Variants in GATM observed in about 807,000 individuals in gnomAD.
GATM encodes the protein glycine amidinotransferase, also known as glycine amidinotransferase, mitochondrial.
GATM carries 23 observed loss-of-function variants against 54.2 expected under a neutral mutation model. The ratio of observed to expected loss-of-function variants is 0.42; its 90% confidence interval spans 0.31 to 0.60. The LOEUF is 0.60. Ranked by LOEUF, GATM falls within the 20% of genes least tolerant of loss-of-function variation. The probability of loss-of-function intolerance (pLI) is 0.14; values close to 1 mark genes in which losing one functional copy is unlikely to be tolerated. For synonymous variants in GATM, 168 were observed against 183.1 expected (o/e 0.92, Z 0.67); for missense variants, 401 against 544.9 (o/e 0.74, Z 2.63).
chr15:45,375,729 G>A (rs1393427663), intron 2 of GATM, among the ~76,000 whole-genome samples: 1 of 151,442 alleles, frequency 6.6e-6, no homozygotes, highest in Non-Finnish European at 1.5e-5. Flanking sequence ...GTCAGATTGT[G>A]AAGGATCTTG....
intron 4 of GATM, 64 bp from the exon 5 acceptor site, chr15:45,366,572 T>C (rs1889451790): frequency 1.3e-6 from 2 of 1,572,650 alleles, no homozygotes; most frequent in Admixed American, 1.7e-5. Context: ...TCATAAGGCA[T>C]ACAGTACTAA....
chr15:45,391,389 G>A (rs994655783), intron 3 of GATM, among the ~76,000 whole-genome samples: 46 of 152,196 alleles, frequency 3.0e-4, no homozygotes, highest in African/African-American at 1.1e-3. Flanking sequence ...TCCAACCTGG[G>A]TGACGGAGCG....
chr15:45,392,605 T>C (rs1889884782), intron 3 of GATM, among the ~76,000 whole-genome samples: 1 of 152,206 alleles, frequency 6.6e-6, no homozygotes, highest in Admixed American at 6.5e-5. Flanking sequence ...AGAAGTAGGA[T>C]GCTGGGTTTT....
intron 2 of GATM, among the ~76,000 whole-genome samples, chr15:45,375,771 G>C (rs113237433): frequency 1.2e-4 from 19 of 152,076 alleles, no homozygotes; most frequent in Non-Finnish European, 1.6e-4. Context: ...TAAACAATGC[G>C]GGGGGTGGTG....
At chr15:45,367,832 G>T (rs1889473435) in intron 4 of GATM, among the ~76,000 whole-genome samples, 1 of 152,104 alleles carries the variant, frequency 6.6e-6, no homozygotes, top group Non-Finnish European at 1.5e-5. Flanking sequence ...TAAATAAAGG[G>T]TTTAACCCAG....
intron 1 of GATM, among the ~76,000 whole-genome samples, chr15:45,400,833 G>GTCTT (rs1278062295): frequency 6.6e-6 from 1 of 152,152 alleles, no homozygotes; most frequent in Non-Finnish European, 1.5e-5. Flanking sequence ...TCCTCAGTAA[G>GTCTT]TCTTCTTTCC....
chr15:45,380,128 A>C, upstream of GATM: 1 of 142,316 alleles, frequency 7.0e-6, no homozygotes, highest in South Asian at 2.4e-4. Context: ...CGTCTCAAAA[A>C]AAAAAAAAAA....
At chr15:45,400,571 AC>A (rs1432773140) in intron 1 of GATM, among the ~76,000 whole-genome samples, 1 of 152,238 alleles carries the variant, frequency 6.6e-6, no homozygotes, top group Non-Finnish European at 1.5e-5. Flanking sequence ...TATAAAATCA[AC>A]CTCTTAGACC....
At chr15:45,362,251 G>T in intron 8 of GATM, 30 bp from the exon 9 acceptor site, 1 of 1,307,252 alleles carries the variant, frequency 7.6e-7, no homozygotes, top group Non-Finnish European at 1.1e-6. Flanking sequence ...AGGTCAGTTA[G>T]ATGGACTAAC....
Position 45,377,043 on chromosome 15 carries a change from C to T in GATM, c.70-224G>A, listed in dbSNP as rs765129576. 165 of 576,324 alleles carry T rather than the reference C, an allele frequency of 2.9e-4. No individual in the cohort carries two copies. The Middle Eastern group carries it at 4.3e-3, about 15-fold the overall frequency. The allele number at this position is 576,324 out of a possible 1,614,324, so 35.7% of individuals were successfully genotyped here. A position where few individuals can be genotyped will look rare whatever the true frequency, so the allele number is the denominator to read the frequency against. ...AAATTGTCTTCTTATCTATTAATTG[C>T]TGTAACTCTTTAAAACTCCTCAGAA... On this transcript the variant is annotated intron_variant, in intron 1 of 8. Transcript: ENST00000396659.
intron 4 of GATM, among the ~76,000 whole-genome samples, chr15:45,366,949 T>C (rs1251022574): frequency 6.6e-6 from 1 of 152,200 alleles, no homozygotes; most frequent in Non-Finnish European, 1.5e-5. Flanking sequence ...TATGTATATA[T>C]GTACAGGAAA....
chr15:45,372,395 A>G (rs1040757048), intron 2 of GATM, among the ~76,000 whole-genome samples: 7 of 152,244 alleles, frequency 4.6e-5, no homozygotes, highest in Non-Finnish European at 8.8e-5. Flanking sequence ...TGTTATCATC[A>G]TTAAACATTT....
chr15:45,396,869 CA>C (rs57667717), intron 3 of GATM: 1,201 of 66,464 alleles, frequency 0.018, 10 homozygotes, highest in African/African-American at 0.057. Flanking sequence ...GACTCCGTCT[CA>C]AAAAAAAAAA....
Position 45,376,602 on chromosome 15 carries a change from T to G in GATM, c.287A>C (p.Lys96Thr). ...ACVPPFTIEV[K>T]ANTYEKYWPF... is the part of the protein sequence containing the mutation. Reference sequence around the variant, plus strand: ...GACATGTGAATAGCCTTCCTTTACCTTCACCTCGATGGTGAACGGTGGAAC... The same window carrying G: ...GACATGTGAATAGCCTTCCTTTACCGTCACCTCGATGGTGAACGGTGGAAC... The change falls in exon 2 of 9, where the codon AAG becomes ACG. Residue 96 changes from lysine to threonine, a missense_variant and splice_region_variant. Physicochemically the swap from Lys to Thr is moderately conservative, Grantham distance 78 (BLOSUM62 -1). Around this residue, in one of 3 missense-constraint regions of GATM, gnomAD observed 321 missense variants for 457.5 expected, o/e 0.70. Coordinates refer to ENST00000396659, the MANE Select transcript of GATM (RefSeq NM_001482.3). 1 of 1,613,970 alleles carries G rather than the reference T, an allele frequency of 6.2e-7. No homozygotes were observed.
intron 3 of GATM, among the ~76,000 whole-genome samples, chr15:45,385,116 G>A (rs1889790219): frequency 6.6e-6 from 1 of 152,194 alleles, no homozygotes; most frequent in Admixed American, 6.5e-5. Flanking sequence ...TGATGCAGAA[G>A]TTAGTGAATC....
rs776785073 is a variant in GATM at position 45,376,782 on chromosome 15, A to T, written c.107T>A (p.Phe36Tyr). 6.2e-7 allele frequency: 1 copy of T among 1,614,128 alleles called. No homozygotes were observed. The highest frequency in any genetic ancestry group is 1.7e-5 in the Admixed American group (1 of 60,004). The change falls in exon 2 of 9, where the codon TTC becomes TAC. Residue 36 changes from phenylalanine (F) to tyrosine (Y), a missense_variant. Physicochemically the swap from Phe to Tyr is conservative, Grantham distance 22. Coordinates refer to ENST00000396659, the MANE Select transcript of GATM (RefSeq NM_001482.3). ...RTLTGWVQRTFQSTQAATASS... is the reference protein window; with the variant it reads ...RTLTGWVQRTYQSTQAATASS... ...AGCCGTAGCTGCCTGGGTGCTCTGG[A>T]AAGTTCGCTGCACCCATCCTGTCAA...
At chr15:45,372,161 G>T (rs1194179443) in intron 2 of GATM, among the ~76,000 whole-genome samples, 1 of 152,204 alleles carries the variant, frequency 6.6e-6, no homozygotes, top group Admixed American at 6.5e-5. Context: ...AGGAACGCAG[G>T]CACATTCATT....
In GATM at chr15:45,366,234, G is replaced by A. The variant is rs777561689; in HGVS notation, c.814-24C>T. 11 of 1,613,174 alleles carry A rather than the reference G, an allele frequency of 6.8e-6. No homozygotes were observed. In the East Asian group the frequency reaches 8.9e-5, roughly 13 times the overall value. On this transcript the variant is annotated intron_variant, in intron 5 of 8. Transcript: ENST00000396659. ...ACCTGAAAACAAAAGAAAGACATAC[G>A]ATCGATAAATATTTGGTTCTATGTC...
upstream of GATM, chr15:45,379,602 G>A (rs979435249): frequency 1.3e-5 from 2 of 152,180 alleles, no homozygotes; most frequent in African/African-American, 4.8e-5. Flanking sequence ...TCTGCAAAGT[G>A]AGAACAATAG....
Sources: allele counts gnomAD v4.1 joint callset (sites outside exome capture counted in the v4.1 genomes callset), GRCh38; gene constraint gnomAD v4.1.1; regional missense constraint gnomAD v4.1.1; transcripts MANE v1.5; gene names NCBI Gene and HGNC (gene_info 2026-07-23, HGNC 2026-07-21).